The following SCGB2B2 variants were observed in gnomAD, a reference collection of about 807,000 sequenced individuals.
SCGB2B2 encodes the protein secretoglobin family 2B member 2, also known as secretoglobin-like protein.
SCGB2B2 carries 11 observed loss-of-function variants against 7.6 expected under a neutral mutation model. The ratio of observed to expected loss-of-function variants is 1.45; its 90% CI spans 0.91 to 2.40. SCGB2B2 has a LOEUF of 2.40. Ranked by LOEUF, SCGB2B2 falls within the 30% of genes most tolerant of loss-of-function variation. The pLI is 0.00. For synonymous variants in SCGB2B2, 50 were observed against 48.6 expected, an observed-to-expected ratio of 1.03 and a Z score of -0.12; for missense variants, 104 against 115.4, an observed-to-expected ratio of 0.90 and a Z score of 0.45.
intron 1 of SCGB2B2, among the ~76,000 whole-genome samples, chr19:34,628,870 A>G (rs2066451762): frequency 6.6e-6 from 1 of 152,014 alleles, no homozygotes; most frequent in Admixed American, 6.6e-5. Flanking sequence ...AAAGTTCTCA[A>G]TAAAATACTG....
At chr19:34,628,998 A>C (rs1015316758) in intron 1 of SCGB2B2, among the ~76,000 whole-genome samples, 8 of 151,954 alleles carry the variant, frequency 5.3e-5, no homozygotes, top group Non-Finnish European at 7.4e-5. Context: ...CTATCATATA[A>C]ACAGAACCAA....
rs1035886593 is a variant in SCGB2B2, at chr19:34,655,636, C to A, written c.-2032+19994G>T. Among the ~76,000 whole-genome samples the A allele has an allele frequency of 4.6e-5, 7 of 151,286 alleles. 1 individual carries two copies. The highest frequency in any genetic ancestry group is 1.7e-4 in the African/African-American group (7 of 40,550). ...TCATCAGGACCTCCTGAATCTATGT[C>A]ATGGGCAGATCCTTAGCCTTCGAAA... is the stretch of plus-strand genomic sequence containing the variant. On this transcript the variant is annotated intron_variant, in intron 1 of 3. Transcript: ENST00000601241.
At chr19:34,599,337 T>C (rs1369469105) in intron 1 of SCGB2B2, among the ~76,000 whole-genome samples, 2 of 152,346 alleles carry the variant, frequency 1.3e-5, no homozygotes, top group African/African-American at 4.8e-5. Flanking sequence ...TCTCCCCATC[T>C]GTATTAGTCT....
intron 1 of SCGB2B2, among the ~76,000 whole-genome samples, chr19:34,642,381 G>A (rs2066867807): frequency 6.6e-6 from 1 of 152,070 alleles, no homozygotes; most frequent in Admixed American, 6.6e-5. Flanking sequence ...AACAGATTGT[G>A]TTGCAGGAAC....
chr19:34,606,991 C>A (rs2065799593), intron 1 of SCGB2B2, among the ~76,000 whole-genome samples: 1 of 152,316 alleles, frequency 6.6e-6, no homozygotes, highest in East Asian at 1.9e-4. Flanking sequence ...AGCTCACTTA[C>A]CTTGCATAGC....
Position 34,592,515 on chromosome 19 carries a change from C to T in SCGB2B2, c.*1040G>A, listed in dbSNP as rs550263767. Among the ~76,000 whole-genome samples the T allele has an allele frequency of 1.5e-3, 222 of 151,964 alleles. 1 individual carries two copies. The highest frequency in any genetic ancestry group is 4.9e-3 in the African/African-American group (202 of 41,444). On this transcript the variant is annotated 3_prime_UTR_variant, in exon 4 of 4. Transcript: ENST00000601241. ...GGGAGGGAGAGGGAGGAGTCTAGGG[C>T]GGTGTGAGCTGATAGGGGTAGGCGA...
chr19:34,619,817 A>C (rs962727718), intron 1 of SCGB2B2, among the ~76,000 whole-genome samples: 2 of 152,130 alleles, frequency 1.3e-5, no homozygotes, highest in Non-Finnish European at 2.9e-5. Context: ...AAAGGATTTT[A>C]ACTATTCAAG....
intron 1 of SCGB2B2, chr19:34,646,019 C>T (rs958340826): frequency 3.2e-6 from 1 of 314,408 alleles, no homozygotes; most frequent in Admixed American, 4.0e-5. Context: ...TCTAGCAATG[C>T]TTTGCCTCTG....
chr19:34,601,728 G>A (rs2065629066), intron 1 of SCGB2B2, among the ~76,000 whole-genome samples: 1 of 152,094 alleles, frequency 6.6e-6, no homozygotes, highest in Non-Finnish European at 1.5e-5. Context: ...GATGCTCTAA[G>A]ACTATATATA....
At chr19:34,629,718 C>T (rs1438031781) in intron 1 of SCGB2B2, among the ~76,000 whole-genome samples, 1 of 151,944 alleles carries the variant, frequency 6.6e-6, no homozygotes. Context: ...GATTCAATGC[C>T]ATCTCCATCA....
rs1424315424 is a variant in SCGB2B2 at position 34,660,952 on chromosome 19, G to T, written c.-2032+14678C>A. Among the ~76,000 whole-genome samples, 597 of 152,196 alleles carry T rather than the reference G, an allele frequency of 3.9e-3. 5 individuals are homozygous for T. Among genetic ancestry groups the T allele is most frequent in the African/African-American group, 0.014 (566 of 41,490 alleles). ...TGGAATACTATGCAGCCATAAGAAT[G>T]GATGAGTGCATGTCCTTTGCAGGGA... is the stretch of plus-strand genomic sequence containing the variant. On this transcript the variant is annotated intron_variant, in intron 1 of 3. Coordinates refer to ENST00000601241, the MANE Select transcript of SCGB2B2 (RefSeq NM_001025591.4).
intron 1 of SCGB2B2, among the ~76,000 whole-genome samples, chr19:34,662,889 C>A (rs890331758): frequency 6.6e-6 from 1 of 152,056 alleles, no homozygotes; most frequent in African/African-American, 2.4e-5. Context: ...CGAGATCATG[C>A]CACTGTACTT....
At position 34,594,354 on chromosome 19, in the gene SCGB2B2, C is replaced by A; in HGVS notation, c.67G>T (p.Ala23Ser). The change falls in exon 3 of 4, where the codon GCC becomes TCC. Residue 23 changes from alanine to serine, a missense_variant. Coordinates refer to ENST00000601241, the MANE Select transcript of SCGB2B2 (RefSeq NM_001025591.4). ...ALICSVQLGD[A>S]CLDIDKLLAN... ...AGCAGTTTATCGATATCCAGGCAGG[C>A]ATCCCCTGTGGAGGATGAGGTGAGA... 3 of 1,613,830 alleles carry A rather than the reference C, an allele frequency of 1.9e-6. No individual in the cohort carries two copies. The South Asian group carries it at 3.3e-5, about 18-fold the overall frequency.
At chr19:34,586,729 C>G (rs1329400078), downstream of SCGB2B2, among the ~76,000 whole-genome samples, 1 of 152,126 alleles carries the variant, frequency 6.6e-6, no homozygotes, top group African/African-American at 2.4e-5. Context: ...CAAGCACTAC[C>G]ACCACAATAG....
intron 1 of SCGB2B2, among the ~76,000 whole-genome samples, chr19:34,644,905 G>A (rs62121986): frequency 0.2 from 30,313 of 152,008 alleles, 3,771 homozygotes; most frequent in Non-Finnish European, 0.27. Flanking sequence ...TGCAGAACCT[G>A]TGTGAGGGGC....
chr19:34,616,106 G>A (rs999779848), intron 1 of SCGB2B2, among the ~76,000 whole-genome samples: 1 of 148,836 alleles, frequency 6.7e-6, no homozygotes. Flanking sequence ...CATTTGGGTT[G>A]GTTCCAAGTC....
Position 34,611,401 on chromosome 19 carries a change from ATTG to A in SCGB2B2, c.-2031-14810_-2031-14808del, listed in dbSNP as rs1251998368. Among the ~76,000 whole-genome samples, 8 of 150,170 alleles carry A rather than the reference ATTG, an allele frequency of 5.3e-5. No homozygotes were observed. The East Asian group carries it at 1.4e-3, about 26-fold the overall frequency. ...TTGTTCTTCTAGTTCCTTGAAATTC[ATTG>A]TTAAGTTTTACTTGAAATCTTTCTG... is the stretch of plus-strand genomic sequence containing the variant. On this transcript the variant is annotated intron_variant, in intron 1 of 3. Transcript: ENST00000601241.
intron 1 of SCGB2B2, among the ~76,000 whole-genome samples, chr19:34,666,726 C>G (rs113575922): frequency 6.6e-6 from 1 of 152,188 alleles, no homozygotes. Context: ...TCGGCCCTGA[C>G]CCCGCACTGC....
At chr19:34,620,579 TG>T (rs2066214808) in intron 1 of SCGB2B2, among the ~76,000 whole-genome samples, 2 of 151,798 alleles carry the variant, frequency 1.3e-5, no homozygotes, top group African/African-American at 4.8e-5. Flanking sequence ...GACAAGTTAA[TG>T]GGTGCAGCAC....
Sources: allele counts gnomAD v4.1 joint callset (sites outside exome capture counted in the v4.1 genomes callset), GRCh38; gene constraint gnomAD v4.1.1; transcripts MANE v1.5; gene names NCBI Gene and HGNC (gene_info 2026-07-23, HGNC 2026-07-21).